PDE6H: variants seen among roughly 807,000 people sequenced by gnomAD.
The protein encoded by PDE6H is retinal cone rhodopsin-sensitive cGMP 3',5'-cyclic phosphodiesterase subunit gamma.
In PDE6H, 11 loss-of-function variants were observed where a neutral mutation model predicts 9.2. That is an observed-to-expected ratio of 1.19 (90% CI 0.75 to 1.97). The LOEUF is 1.97. Ranked by LOEUF, PDE6H falls within the 30% of genes most tolerant of loss-of-function variation. PDE6H has a pLI of 0.00. For synonymous variants in PDE6H, 36 were observed against 33.6 expected (o/e 1.07, Z -0.25); for missense variants, 98 against 101.5 (o/e 0.97, Z 0.15).
At chr12:14,974,694 C>T (rs1864566502) in intron 1 of PDE6H, among the ~76,000 whole-genome samples, 1 of 152,188 alleles carries the variant, frequency 6.6e-6, no homozygotes, top group Non-Finnish European at 1.5e-5. Context: ...CTTCTTAAGA[C>T]AGAATTTTAA....
intron 1 of PDE6H, among the ~76,000 whole-genome samples, chr12:14,977,048 T>C (rs1234797246): frequency 6.6e-6 from 1 of 152,244 alleles, no homozygotes; most frequent in East Asian, 1.9e-4. Flanking sequence ...AGGTCCGTGG[T>C]GTGGATAGAA....
At chr12:14,974,051 C>A (rs1864557900) in intron 1 of PDE6H, among the ~76,000 whole-genome samples, 1 of 152,144 alleles carries the variant, frequency 6.6e-6, no homozygotes, top group African/African-American at 2.4e-5. Flanking sequence ...CTTATTTCTG[C>A]AGAAAAACAG....
rs535300750 is a variant in PDE6H at position 14,977,433 on chromosome 12, T to C, written c.-41-539T>C. Among the ~76,000 whole-genome samples the C allele has an allele frequency of 3.3e-5, 5 of 152,298 alleles. No individual in the cohort carries two copies. The South Asian group carries it at 8.3e-4, about 25-fold the overall frequency. ...GAAGAATATGTAAAGCTTAAAGAAATTGCAGATGCTGTAAAAGACTATAGA... is the reference window on the plus strand; with the variant it reads ...GAAGAATATGTAAAGCTTAAAGAAACTGCAGATGCTGTAAAAGACTATAGA... On this transcript the variant is annotated intron_variant, in intron 1 of 3. Transcript: ENST00000266395.
At chr12:14,974,435 A>T (rs1168780978) in intron 1 of PDE6H, among the ~76,000 whole-genome samples, 2 of 152,208 alleles carry the variant, frequency 1.3e-5, no homozygotes, top group Non-Finnish European at 2.9e-5. Context: ...AATCCTGAGC[A>T]CCATTAGGAT....
At position 14,977,962 on chromosome 12, in the gene PDE6H, A is replaced by G. The variant is rs777641012; in HGVS notation, c.-41-10A>G. ...AAAGATCTTCTTTTTTTTATCTTTC[A>G]CTGTCTAAGGAGGCTGAAAGGGAAA... On this transcript the variant is annotated splice_polypyrimidine_tract_variant and intron_variant, in intron 1 of 3. Transcript: ENST00000266395. 6.3e-7 allele frequency: 1 copy of G among 1,576,364 alleles called. No individual in the cohort carries two copies. The highest frequency in any genetic ancestry group is 8.7e-7 in the Non-Finnish European group (1 of 1,151,608).
chr12:14,979,316 T>C (rs2120829958), intron 3 of PDE6H, 97 bp downstream of exon 3: 1 of 789,336 alleles, frequency 1.3e-6, no homozygotes, highest in Middle Eastern at 2.2e-4. Flanking sequence ...TTATGAGAAA[T>C]ACCCAAGGCA....
At chr12:14,975,028 G>A (rs1307597257) in intron 1 of PDE6H, among the ~76,000 whole-genome samples, 1 of 151,988 alleles carries the variant, frequency 6.6e-6, no homozygotes, top group Non-Finnish European at 1.5e-5. Flanking sequence ...GACCCACAGA[G>A]GATTATGAAA....
In PDE6H at chr12:14,981,385, T is replaced by C; in HGVS notation, c.176-15T>C. On this transcript the variant is annotated splice_polypyrimidine_tract_variant and intron_variant, in intron 3 of 3. Transcript: ENST00000266395. ...GGTGAGGTTGGCTTACGTGCTCTTC[T>C]TCCATCTCTTGCAGATATCACAGTG... 6.3e-7 allele frequency: 1 copy of C among 1,581,698 alleles called. No homozygotes were observed.
chr12:14,979,499 A>G (rs1864649790), intron 3 of PDE6H, among the ~76,000 whole-genome samples: 1 of 152,226 alleles, frequency 6.6e-6, no homozygotes, highest in South Asian at 2.1e-4. Flanking sequence ...ATAGACTTTT[A>G]TGGTAGAAAG....
intron 2 of PDE6H, 99 bp downstream of exon 2, chr12:14,978,245 T>C: frequency 3.6e-6 from 4 of 1,105,176 alleles, no homozygotes; most frequent in Non-Finnish European, 5.4e-6. Flanking sequence ...TAAACAGACT[T>C]ACAAAAATTT....
intron 1 of PDE6H, among the ~76,000 whole-genome samples, chr12:14,977,137 C>T (rs1264505561): frequency 6.6e-6 from 1 of 152,164 alleles, no homozygotes; most frequent in Non-Finnish European, 1.5e-5. Context: ...AAACGTATTA[C>T]TTAATTATCC....
At chr12:14,974,296 C>A (rs1864561000) in intron 1 of PDE6H, among the ~76,000 whole-genome samples, 1 of 152,224 alleles carries the variant, frequency 6.6e-6, no homozygotes, top group African/African-American at 2.4e-5. Context: ...GACAACAGGA[C>A]TGGCTTCCAA....
rs1864625831 is a variant in PDE6H, at chr12:14,978,146, G to T, written c.134G>T (p.Gly45Val). The change falls in exon 2 of 4, where the codon GGA (glycine) becomes GTA (valine). Residue 45 changes from glycine to valine, a missense_variant and splice_region_variant. Coordinates refer to ENST00000266395, the MANE Select transcript of PDE6H (RefSeq NM_006205.3). ...AAACCTCCAAAGAAAGGTGTGAAAG[G>T]GTAAGACCAAAATGAAAAGAAAAAC... is the stretch of plus-strand genomic sequence containing the variant. ...KSKPPKKGVKGFGDDIPGMEG... is the reference protein window; with the variant it reads ...KSKPPKKGVKVFGDDIPGMEG... The T allele has an allele frequency of 6.2e-7, 1 of 1,613,144 alleles. No individual in the cohort carries two copies. Among genetic ancestry groups the T allele is most frequent in the Non-Finnish European group, 8.5e-7 (1 of 1,179,736 alleles).
At chr12:14,974,931 G>C (rs1463124753) in intron 1 of PDE6H, among the ~76,000 whole-genome samples, 1 of 152,164 alleles carries the variant, frequency 6.6e-6, no homozygotes, top group Non-Finnish European at 1.5e-5. Flanking sequence ...TGAACACTTT[G>C]TACCACTCTA....
At chr12:14,979,093 C>T in intron 2 of PDE6H, 86 bp from the exon 3 acceptor site, 1 of 863,918 alleles carries the variant, frequency 1.2e-6, no homozygotes, top group Non-Finnish European at 2.0e-6. Context: ...CTTCTTCCCC[C>T]TTGAATCAAG....
At chr12:14,981,137 C>A (rs1052828389) in intron 3 of PDE6H, among the ~76,000 whole-genome samples, 3 of 152,198 alleles carry the variant, frequency 2.0e-5, no homozygotes, top group African/African-American at 4.8e-5. Flanking sequence ...GTGGGCTGTA[C>A]CCCACAGGGA....
At chr12:14,981,161 C>A (rs12422943) in intron 3 of PDE6H, among the ~76,000 whole-genome samples, 13,838 of 152,242 alleles carry the variant, frequency 0.091, 987 homozygotes, top group Admixed American at 0.21. Context: ...CCCCAGTCAA[C>A]AGCTGTGGAT....
chr12:14,977,753 T>C (rs1393191872), intron 1 of PDE6H, among the ~76,000 whole-genome samples: 4 of 152,196 alleles, frequency 2.6e-5, no homozygotes, highest in African/African-American at 9.7e-5. Context: ...TAGCAGAAGG[T>C]AAGTTTCCAT....
At position 14,981,734 on chromosome 12, in the gene PDE6H, A is replaced by G. The variant is rs1864688260; in HGVS notation, c.*258A>G. On this transcript the variant is annotated 3_prime_UTR_variant, in exon 4 of 4. Coordinates refer to ENST00000266395, the MANE Select transcript of PDE6H (RefSeq NM_006205.3). ...TTAGAAGTCATCAATATTTCTCTAC[A>G]TTTTGTTTATCTGTAAGTCCTTTAA... The G allele has an allele frequency of 3.5e-6, 2 of 566,304 alleles. No homozygotes were observed. The highest frequency in any genetic ancestry group is 3.8e-5 in the African/African-American group (2 of 53,282). The allele number at this position is 566,304 out of a possible 1,614,324, so 35.1% of individuals were successfully genotyped here. A position where few individuals can be genotyped will look rare whatever the true frequency, so the allele number is the denominator to read the frequency against.
Sources: gnomAD v4.1 joint callset for allele counts (sites outside exome capture counted in the v4.1 genomes callset) on GRCh38, gnomAD v4.1.1 for gene constraint, MANE v1.5 for transcripts, NCBI Gene and HGNC (gene_info 2026-07-23, HGNC 2026-07-21) for gene names.